The following ESRRG variants were observed in gnomAD, a reference collection of about 807,000 sequenced individuals.
ESRRG encodes the protein estrogen-related receptor gamma.
ESRRG carries 13 observed loss-of-function variants against 44.0 expected under a neutral mutation model. That is an observed-to-expected ratio of 0.30 (90% confidence interval 0.19 to 0.47). The LOEUF is 0.47. Ranked by LOEUF, ESRRG falls within the 20% of genes least tolerant of loss-of-function variation. ESRRG has a pLI of 1.00. For synonymous variants in ESRRG, 215 were observed against 214.6 expected, an observed-to-expected ratio of 1.00 and a Z score of -0.02; for missense variants, 395 against 580.6, an observed-to-expected ratio of 0.68 and a Z score of 3.29.
chr1:217,128,589 A>T (rs1161926350), intron 1 of ESRRG, among the ~76,000 whole-genome samples: 2 of 152,196 alleles, frequency 1.3e-5, no homozygotes, highest in African/African-American at 4.8e-5. Context: ...TGATAATGAT[A>T]ATTTAAAAAA....
At chr1:216,728,345 A>G (rs1485574413), upstream of ESRRG, among the ~76,000 whole-genome samples, 1 of 152,198 alleles carries the variant, frequency 6.6e-6, no homozygotes, top group African/African-American at 2.4e-5. Context: ...ATTCCTATAG[A>G]AAGAGTAAAT....
At chr1:216,557,431 A>T (rs1055914475) in intron 5 of ESRRG, among the ~76,000 whole-genome samples, 1 of 152,052 alleles carries the variant, frequency 6.6e-6, no homozygotes, top group African/African-American at 2.4e-5. Context: ...AACCAAACCA[A>T]ACCAAACCAA....
intron 1 of ESRRG, chr1:216,985,944 T>C (rs992311124): frequency 2.6e-5 from 4 of 152,194 alleles, no homozygotes; most frequent in Non-Finnish European, 4.4e-5. Context: ...GTAAAGACCA[T>C]GACAACTTCT....
chr1:216,856,548 C>T (rs947148783), intron 2 of ESRRG, among the ~76,000 whole-genome samples: 2 of 152,176 alleles, frequency 1.3e-5, no homozygotes, highest in East Asian at 1.9e-4. Context: ...CAAATCCACT[C>T]CTTATTGAAA....
At chr1:216,786,823 C>A (rs1156633795) in intron 2 of ESRRG, among the ~76,000 whole-genome samples, 1 of 152,102 alleles carries the variant, frequency 6.6e-6, no homozygotes, top group Non-Finnish European at 1.5e-5. Context: ...ACGAAATACA[C>A]ACTAAGTGTC....
At chr1:216,604,532 C>T (rs893500586) in intron 3 of ESRRG, among the ~76,000 whole-genome samples, 3 of 152,120 alleles carry the variant, frequency 2.0e-5, no homozygotes, top group Admixed American at 2.0e-4. Flanking sequence ...TGAATCCCAG[C>T]CCCCCATATC....
intron 2 of ESRRG, among the ~76,000 whole-genome samples, chr1:216,828,808 C>CT (rs5780931): frequency 0.59 from 89,686 of 151,998 alleles, 26,954 homozygotes; most frequent in Non-Finnish European, 0.63. Flanking sequence ...CATATGTCCT[C>CT]TGCTAGTGGT....
chr1:216,969,801 T>C (rs994995707), intron 1 of ESRRG, among the ~76,000 whole-genome samples: 8 of 152,144 alleles, frequency 5.3e-5, no homozygotes, highest in African/African-American at 1.9e-4. Flanking sequence ...GTCAGACTGG[T>C]CTCAAACTCC....
In ESRRG at chr1:216,503,820, C is replaced by T. The variant is rs975280062; in HGVS notation, c.*3119G>A. On this transcript the variant is annotated 3_prime_UTR_variant, in exon 7 of 7. Transcript: ENST00000408911. ...TACAAGGAGTCACACAATCATATTG[C>T]TTTAAATAAGAACGAACCTAAAAGA... 22 of 152,444 alleles carry T rather than the reference C, an allele frequency of 1.4e-4. No individual in the cohort carries two copies. Among genetic ancestry groups the T allele is most frequent in the Non-Finnish European group, 2.9e-4 (20 of 67,968 alleles). The allele number at this position is 152,444 out of a possible 1,614,324, so 9.4% of individuals were successfully genotyped here.
At chr1:217,103,338 C>T (rs1398391234) in intron 1 of ESRRG, among the ~76,000 whole-genome samples, 1 of 151,922 alleles carries the variant, frequency 6.6e-6, no homozygotes, top group East Asian at 1.9e-4. Flanking sequence ...ACTTCCTGCT[C>T]AATGAGCAAC....
intron 2 of ESRRG, among the ~76,000 whole-genome samples, chr1:216,873,884 A>G (rs75560042): frequency 0.15 from 2,555 of 16,746 alleles, 56 homozygotes; most frequent in African/African-American, 0.28. Flanking sequence ...GAAGGGAGGG[A>G]AGGGAAGGGA....
At chr1:216,684,140 A>G (rs2077514841) in intron 1 of ESRRG, among the ~76,000 whole-genome samples, 1 of 152,170 alleles carries the variant, frequency 6.6e-6, no homozygotes, top group South Asian at 2.1e-4. Context: ...GCAGCATCCC[A>G]TTTTACTATG....
At position 216,884,940 on chromosome 1, in the gene ESRRG, GT is replaced by G. The variant is rs1236076744; in HGVS notation, c.-14+54641del. Among the ~76,000 whole-genome samples, 6 of 152,294 alleles carry G rather than the reference GT, an allele frequency of 3.9e-5. No individual in the cohort carries two copies. In the South Asian group the frequency reaches 1.2e-3, roughly 32 times the overall value. Reference sequence around the variant, plus strand: ...CTGTTTTTGTTTTGCATGTGTGTGTGTTATGTTTTGCTATTATGGAACAGGA... The same window carrying G: ...CTGTTTTTGTTTTGCATGTGTGTGTGTATGTTTTGCTATTATGGAACAGGA... On this transcript the variant is annotated intron_variant, in intron 2 of 7. Transcript: ENST00000359162.
intron 2 of ESRRG, among the ~76,000 whole-genome samples, chr1:216,854,138 C>G (rs1374701175): frequency 6.6e-6 from 1 of 151,960 alleles, no homozygotes; most frequent in African/African-American, 2.4e-5. Flanking sequence ...GCGGGTGGAT[C>G]ATGAGGTCAA....
chr1:216,837,218 G>A (rs1433863702), intron 2 of ESRRG, among the ~76,000 whole-genome samples: 1 of 151,914 alleles, frequency 6.6e-6, no homozygotes, highest in Non-Finnish European at 1.5e-5. Flanking sequence ...GACCATCCTA[G>A]CTAACACAGT....
At chr1:216,995,322 T>C (rs1421553223) in intron 1 of ESRRG, among the ~76,000 whole-genome samples, 1 of 152,238 alleles carries the variant, frequency 6.6e-6, no homozygotes, top group South Asian at 2.1e-4. Flanking sequence ...TGCCTATCTG[T>C]GGTTTTCCTC....
At chr1:217,085,251 A>G (rs2092006418) in intron 1 of ESRRG, among the ~76,000 whole-genome samples, 1 of 152,018 alleles carries the variant, frequency 6.6e-6, no homozygotes. Flanking sequence ...GTTTGCAATA[A>G]TTTTTCTAGT....
chr1:216,793,695 G>A (rs946673539), intron 2 of ESRRG, among the ~76,000 whole-genome samples: 1 of 152,184 alleles, frequency 6.6e-6, no homozygotes, highest in African/African-American at 2.4e-5. Context: ...GTTTTAAGCT[G>A]TTAAAGTTTT....
intron 3 of ESRRG, among the ~76,000 whole-genome samples, chr1:216,579,797 TG>T (rs1248909392): frequency 6.6e-6 from 1 of 152,152 alleles, no homozygotes; most frequent in Non-Finnish European, 1.5e-5. Context: ...GAAGGCTAGA[TG>T]TTGAGAATGG....
Sources: allele counts gnomAD v4.1 joint callset (sites outside exome capture counted in the v4.1 genomes callset), GRCh38; gene constraint gnomAD v4.1.1; transcripts MANE v1.5; gene names NCBI Gene and HGNC (gene_info 2026-07-23, HGNC 2026-07-21).